Variants in MERTK observed in about 807,000 individuals in gnomAD.
The protein encoded by MERTK is tyrosine-protein kinase Mer.
In MERTK, 69 loss-of-function variants were observed where a neutral mutation model predicts 99.3. The observed-to-expected ratio is 0.70, with a 90% CI of 0.57 to 0.85. The LOEUF is 0.85. MERTK is among the 40% of genes least tolerant of loss of function. The pLI is 0.00. For missense variants in MERTK, 1,125 were observed against 1,249.4 expected, an observed-to-expected ratio of 0.90 and a Z score of 1.50; for synonymous variants, 426 against 467.6, an observed-to-expected ratio of 0.91 and a Z score of 1.15.
intron 18 of MERTK, among the ~76,000 whole-genome samples, chr2:112,024,000 C>G (rs1325362019): frequency 6.6e-6 from 1 of 152,160 alleles, no homozygotes; most frequent in Non-Finnish European, 1.5e-5. Context: ...AAGAAGGACA[C>G]TGTTTTAATC....
intron 4 of MERTK, among the ~76,000 whole-genome samples, chr2:111,959,572 C>T (rs1685207235): frequency 6.6e-6 from 1 of 152,130 alleles, no homozygotes; most frequent in Non-Finnish European, 1.5e-5. Context: ...CTCCTAGGCT[C>T]AGGTGATTCA....
At chr2:111,992,236 C>A (rs2104396889) in intron 8 of MERTK, among the ~76,000 whole-genome samples, 1 of 152,184 alleles carries the variant, frequency 6.6e-6, no homozygotes, top group East Asian at 1.9e-4. Context: ...TAGATCATGC[C>A]TTTTTTGTCC....
chr2:111,917,340 AT>A (rs1314035085), intron 1 of MERTK, among the ~76,000 whole-genome samples: 1 of 152,034 alleles, frequency 6.6e-6, no homozygotes, highest in Non-Finnish European at 1.5e-5. Flanking sequence ...GGAAGTCTAG[AT>A]TTCTCACTTG....
intron 1 of MERTK, among the ~76,000 whole-genome samples, chr2:111,906,747 A>T (rs550579563): frequency 2.0e-5 from 3 of 152,264 alleles, no homozygotes; most frequent in South Asian, 4.1e-4. Flanking sequence ...TGGAGCAAAT[A>T]AAAAAAAGAA....
chr2:111,956,127 G>T (rs930966787), intron 4 of MERTK, among the ~76,000 whole-genome samples: 3 of 151,882 alleles, frequency 2.0e-5, no homozygotes, highest in African/African-American at 7.3e-5. Flanking sequence ...AAAAAAAAAA[G>T]TTAGTGGGTA....
In MERTK at chr2:111,978,449, T is replaced by TTTGTTTG. The variant is rs1553454201; in HGVS notation, c.1144+2979_1144+2980insGTTTGTT. On this transcript the variant is annotated intron_variant, in intron 7 of 18. Coordinates refer to ENST00000295408, the MANE Select transcript of MERTK (RefSeq NM_006343.3). ...CATGAGCCACCACACCCAGCATGTT[T>TTTGTTTG]TTTGTTTGTTTGTTTGTTTGTTTGT... Among the ~76,000 whole-genome samples the TTTGTTTG allele has an allele frequency of 1.9e-4, 18 of 94,266 alleles. 1 individual carries two copies. Among genetic ancestry groups the TTTGTTTG allele is most frequent in the South Asian group, 7.0e-4 (2 of 2,866 alleles). The allele number at this position is 94,266 out of a possible 152,430, so 61.8% of individuals were successfully genotyped here.
At chr2:111,966,469 A>G (rs914718052) in intron 5 of MERTK, among the ~76,000 whole-genome samples, 2 of 152,236 alleles carry the variant, frequency 1.3e-5, no homozygotes, top group African/African-American at 4.8e-5. Flanking sequence ...GGGAATGTCA[A>G]AAATTCATGA....
At chr2:111,899,358 C>A (rs531223291) in intron 1 of MERTK, among the ~76,000 whole-genome samples, 1 of 152,298 alleles carries the variant, frequency 6.6e-6, no homozygotes, top group East Asian at 1.9e-4. Context: ...CTGGCTGCTC[C>A]CAATGGGCCC....
Position 111,997,372 on chromosome 2 carries a change from T to A in MERTK, c.1500T>A (p.Asp500Glu), listed in dbSNP as rs1454623859. Residue 500 changes from aspartate (D) to glutamate (E), a missense_variant, in exon 10 of 19, where the codon GAT becomes GAA. Physicochemically the swap from Asp to Glu is conservative, Grantham distance 45. Coordinates refer to ENST00000295408, the MANE Select transcript of MERTK (RefSeq NM_006343.3). ...CAACTCCGGCGCCTGGCAACGCAGA[T>A]CCTGTGCTCATCATCTTTGGCTGCT... Reference protein sequence around the residue: ...PSSTPAPGNADPVLIIFGCFC... With the variant: ...PSSTPAPGNAEPVLIIFGCFC... 6.2e-7 allele frequency: 1 copy of A among 1,614,194 alleles called. No individual in the cohort carries two copies. Among genetic ancestry groups the A allele is most frequent in the Non-Finnish European group, 8.5e-7 (1 of 1,180,020 alleles).
intron 8 of MERTK, among the ~76,000 whole-genome samples, chr2:111,984,633 A>G (rs942353399): frequency 6.6e-6 from 1 of 152,164 alleles, no homozygotes; most frequent in Non-Finnish European, 1.5e-5. Flanking sequence ...ATTTGTTGAT[A>G]GCAGGGGAGC....
intron 7 of MERTK, among the ~76,000 whole-genome samples, chr2:111,976,476 G>A (rs145162461): frequency 2.0e-5 from 3 of 151,616 alleles, no homozygotes; most frequent in Non-Finnish European, 4.4e-5. Context: ...GCAAAAGATT[G>A]TAACCAGGGC....
intron 2 of MERTK, among the ~76,000 whole-genome samples, chr2:111,943,124 C>A (rs1684894750): frequency 6.6e-6 from 1 of 152,176 alleles, no homozygotes; most frequent in African/African-American, 2.4e-5. Context: ...CAGGATGGAG[C>A]CCCCTCTACC....
chr2:111,974,234 A>G (rs1676190177), intron 6 of MERTK, among the ~76,000 whole-genome samples: 1 of 147,954 alleles, frequency 6.8e-6, no homozygotes, highest in South Asian at 2.1e-4. Flanking sequence ...ACTAAAAAAA[A>G]AAAAAAAAAA....
At chr2:111,990,470 A>G (rs1307996865) in intron 8 of MERTK, among the ~76,000 whole-genome samples, 1 of 152,218 alleles carries the variant, frequency 6.6e-6, no homozygotes, top group South Asian at 2.1e-4. Context: ...GATGCTGGCC[A>G]TCATCGAACG....
At chr2:111,985,437 C>G (rs1422363764) in intron 8 of MERTK, among the ~76,000 whole-genome samples, 1 of 152,178 alleles carries the variant, frequency 6.6e-6, no homozygotes, top group African/African-American at 2.4e-5. Context: ...TCAAGTCTGT[C>G]TCTTCTTTAC....
intron 18 of MERTK, among the ~76,000 whole-genome samples, chr2:112,024,460 C>T (rs1176035641): frequency 6.6e-6 from 1 of 152,224 alleles, no homozygotes; most frequent in Non-Finnish European, 1.5e-5. Context: ...GAACCTGCCA[C>T]CCCCGCCTCC....
chr2:111,913,002 C>T (rs1395077257), intron 1 of MERTK: 1 of 981,632 alleles, frequency 1.0e-6, no homozygotes, highest in Non-Finnish European at 1.2e-6. Context: ...CAGTGATACA[C>T]CCTTCACAGG....
At position 111,967,701 on chromosome 2, in the gene MERTK, G is replaced by A. The variant is rs140092047; in HGVS notation, c.845-436G>A. Among the ~76,000 whole-genome samples, 4 of 152,230 alleles carry A rather than the reference G, an allele frequency of 2.6e-5. No individual in the cohort carries two copies. In the East Asian group the frequency reaches 7.7e-4, roughly 29 times the overall value. Reference sequence around the variant, plus strand: ...GGCACCCCTCTCTTCTGGTGACAGGGCGCTCTTATTCTTGGTTAACGTGGG... The same window carrying A: ...GGCACCCCTCTCTTCTGGTGACAGGACGCTCTTATTCTTGGTTAACGTGGG... On this transcript the variant is annotated intron_variant, in intron 5 of 18. Transcript: ENST00000295408.
chr2:111,914,605 T>C (rs1684315494), intron 1 of MERTK, among the ~76,000 whole-genome samples: 1 of 152,210 alleles, frequency 6.6e-6, no homozygotes, highest in Admixed American at 6.5e-5. Context: ...AGAGGGTTTT[T>C]TTTCCCCCAT....
Sources: allele counts gnomAD v4.1 joint callset (sites outside exome capture counted in the v4.1 genomes callset), GRCh38; gene constraint gnomAD v4.1.1; transcripts MANE v1.5; gene names NCBI Gene and HGNC (gene_info 2026-07-23, HGNC 2026-07-21).